The following MCOLN2 variants were observed in gnomAD, a reference collection of about 807,000 sequenced individuals.
MCOLN2 encodes mucolipin TRP cation channel 2, also known as mucolipin-2.
Under a neutral mutation model 67.5 loss-of-function variants are expected in MCOLN2, and 57 were observed. The ratio of observed to expected loss-of-function variants is 0.84; its 90% confidence interval spans 0.68 to 1.05. The LOEUF (loss-of-function observed/expected upper bound fraction) is 1.05. Ranked by LOEUF, MCOLN2 falls within the 50% of genes least tolerant of loss-of-function variation. MCOLN2 has a pLI of 0.00. For synonymous variants in MCOLN2, 246 were observed against 233.3 expected (o/e 1.05, Z -0.50); for missense variants, 620 against 678.8 (o/e 0.91, Z 0.96).
chr1:84,934,188 T>C (rs565625931), intron 11 of MCOLN2, among the ~76,000 whole-genome samples: 42 of 152,348 alleles, frequency 2.8e-4, no homozygotes, highest in African/African-American at 9.9e-4. Flanking sequence ...CCATGGTCTA[T>C]GTGCTGTGCT....
intron 8 of MCOLN2, among the ~76,000 whole-genome samples, chr1:84,939,988 C>G (rs1647661959): frequency 6.6e-6 from 1 of 152,132 alleles, no homozygotes; most frequent in Non-Finnish European, 1.5e-5. Flanking sequence ...TTTCATATTA[C>G]CAACACATCC....
intron 1 of MCOLN2, among the ~76,000 whole-genome samples, chr1:84,977,103 T>C (rs1021614537): frequency 6.6e-6 from 1 of 150,866 alleles, no homozygotes; most frequent in Non-Finnish European, 1.5e-5. Context: ...GGGGAGACGA[T>C]GTTAAGGCAT....
intron 7 of MCOLN2, among the ~76,000 whole-genome samples, chr1:84,944,559 A>G (rs58977145): frequency 0.11 from 16,963 of 152,034 alleles, 1,805 homozygotes; most frequent in African/African-American, 0.28. Flanking sequence ...GAAAGAAAAA[A>G]AACATCTATA....
At chr1:84,987,744 G>T (rs1167563245) in intron 1 of MCOLN2, among the ~76,000 whole-genome samples, 2 of 146,384 alleles carry the variant, frequency 1.4e-5, no homozygotes, top group Admixed American at 6.7e-5. Flanking sequence ...CTATAAAAAG[G>T]AACAAAATAA....
At chr1:84,952,185 C>T in intron 6 of MCOLN2, 58 bp downstream of exon 6, 1 of 1,211,742 alleles carries the variant, frequency 8.3e-7, no homozygotes, top group Non-Finnish European at 1.2e-6. Flanking sequence ...TACTCTGCAT[C>T]AACAAAAAGT....
chr1:84,956,932 C>T (rs1315243479), intron 3 of MCOLN2, among the ~76,000 whole-genome samples: 1 of 152,098 alleles, frequency 6.6e-6, no homozygotes, highest in Non-Finnish European at 1.5e-5. Context: ...ATATTTTTGC[C>T]TCTGGCCTTT....
chr1:84,975,036 T>C (rs1215526001), intron 1 of MCOLN2, among the ~76,000 whole-genome samples: 1 of 152,146 alleles, frequency 6.6e-6, no homozygotes, highest in Non-Finnish European at 1.5e-5. Flanking sequence ...GAACACTAGG[T>C]AGACTTCTAA....
At chr1:84,976,845 G>A (rs181632890) in intron 1 of MCOLN2, among the ~76,000 whole-genome samples, 1 of 152,156 alleles carries the variant, frequency 6.6e-6, no homozygotes, top group Non-Finnish European at 1.5e-5. Context: ...ATGCTGAAGA[G>A]AGTACTTCAA....
chr1:84,962,931 A>C (rs1186209261), intron 2 of MCOLN2, among the ~76,000 whole-genome samples: 1 of 152,230 alleles, frequency 6.6e-6, no homozygotes, highest in Non-Finnish European at 1.5e-5. Context: ...TGATATTAGC[A>C]TCGAATGTAT....
intron 7 of MCOLN2, among the ~76,000 whole-genome samples, chr1:84,943,239 C>T (rs950949886): frequency 2.0e-5 from 3 of 152,128 alleles, no homozygotes; most frequent in Middle Eastern, 3.4e-3. Flanking sequence ...TGGTCTCTAA[C>T]TGGACTTGGG....
intron 4 of MCOLN2, 33 bp downstream of exon 4, chr1:84,956,398 T>C (rs746800404): frequency 1.9e-6 from 3 of 1,596,906 alleles, no homozygotes; most frequent in Non-Finnish European, 1.7e-6. Flanking sequence ...CAGAAGACGA[T>C]AAAGGTACAT....
chr1:84,927,334 C>A (rs1253669637), intron 13 of MCOLN2, among the ~76,000 whole-genome samples: 1 of 151,980 alleles, frequency 6.6e-6, no homozygotes, highest in Non-Finnish European at 1.5e-5. Context: ...ACTAGAACAG[C>A]CAATTTTCCT....
intron 1 of MCOLN2, among the ~76,000 whole-genome samples, chr1:84,968,462 T>C (rs552590673): frequency 9.2e-5 from 14 of 152,190 alleles, no homozygotes; most frequent in African/African-American, 3.4e-4. Context: ...TAGTTAAATA[T>C]AACTAAGCAC....
rs1186182543 is a variant in MCOLN2, at chr1:84,958,574, A to G, written c.366T>C (p.Tyr122=). The G allele has an allele frequency of 2.5e-6, 4 of 1,609,238 alleles. No homozygotes were observed. Among genetic ancestry groups the G allele is most frequent in the South Asian group, 2.2e-5 (2 of 89,550 alleles). ...TDEDDYSCSV[Y]TQEDAYESIF... ...TGCTCTCATAGGCATCCTCTTGAGT[A>G]TATACACTGCAGCTGTAGTCATCTT... The change falls in exon 3 of 14, where the codon TAT becomes TAC. Residue 122 remains tyrosine (Y), a synonymous_variant. Transcript: ENST00000370608.
chr1:84,989,919 T>C (rs1257269775), intron 1 of MCOLN2, among the ~76,000 whole-genome samples: 2 of 152,164 alleles, frequency 1.3e-5, no homozygotes, highest in African/African-American at 2.4e-5. Context: ...TTAATTTTTA[T>C]TTATGAGGAA....
chr1:84,936,948 G>C (rs1647465739), intron 11 of MCOLN2, among the ~76,000 whole-genome samples: 1 of 152,194 alleles, frequency 6.6e-6, no homozygotes, highest in African/African-American at 2.4e-5. Context: ...AAATAAGAAA[G>C]AACACCGAAA....
intron 7 of MCOLN2, among the ~76,000 whole-genome samples, chr1:84,943,833 G>A (rs2102821073): frequency 6.6e-6 from 1 of 152,312 alleles, no homozygotes; most frequent in Non-Finnish European, 1.5e-5. Flanking sequence ...TGTTACAGTA[G>A]TGCCCAGTGC....
intron 1 of MCOLN2, among the ~76,000 whole-genome samples, chr1:84,987,505 T>TAC (rs371236017): frequency 2.6e-5 from 1 of 38,230 alleles, no homozygotes; most frequent in Non-Finnish European, 5.3e-5. Flanking sequence ...TATACATAGA[T>TAC]GTATACATAT....
Position 84,926,227 on chromosome 1 carries a change from C to T in MCOLN2, c.*458G>A, listed in dbSNP as rs1661152064. The T allele has an allele frequency of 2.0e-5, 3 of 152,716 alleles. No homozygotes were observed. Among genetic ancestry groups the T allele is most frequent in the Admixed American group, 2.0e-4 (3 of 15,288 alleles). The allele number at this position is 152,716 out of a possible 1,614,324, so 9.5% of individuals were successfully genotyped here. A position where few individuals can be genotyped will look rare whatever the true frequency, so the allele number is the denominator to read the frequency against. ...CAGCTTAATAGTTCACCAGCTTGGACTCTCTAGATTGGTATTGCAACCAGC... is the reference window on the plus strand; with the variant it reads ...CAGCTTAATAGTTCACCAGCTTGGATTCTCTAGATTGGTATTGCAACCAGC... On this transcript the variant is annotated 3_prime_UTR_variant, in exon 14 of 14. Transcript: ENST00000370608.
Sources: gnomAD v4.1 joint callset for allele counts (sites outside exome capture counted in the v4.1 genomes callset) on GRCh38, gnomAD v4.1.1 for gene constraint, MANE v1.5 for transcripts, NCBI Gene and HGNC (gene_info 2026-07-23, HGNC 2026-07-21) for gene names.